SNTG1: variants seen among roughly 807,000 people sequenced by gnomAD.
SNTG1 encodes gamma-1-syntrophin.
Under a neutral mutation model 74.7 loss-of-function variants are expected in SNTG1, and 39 were observed. That is an observed-to-expected ratio of 0.52 (90% CI 0.40 to 0.68). The LOEUF (loss-of-function observed/expected upper bound fraction) is 0.68. Among genes scored for constraint, SNTG1 ranks in the 30% least tolerant of loss-of-function variants. SNTG1 has a pLI of 0.00. For synonymous variants in SNTG1, 254 were observed against 217.1 expected, an observed-to-expected ratio of 1.17 and a Z score of -1.49; for missense variants, 685 against 609.5, an observed-to-expected ratio of 1.12 and a Z score of -1.30.
rs1165454698 is a variant in SNTG1, at chr8:50,543,191, C to T, written c.680+6383C>T. On this transcript the variant is annotated intron_variant, in intron 11 of 18. Coordinates refer to ENST00000642720, the MANE Select transcript of SNTG1 (RefSeq NM_018967.5). ...AGAGCATTTCCCCAGTGTCTTCTTCCAGCAGTTTCATAGTTTCAGGCTTTC... is the reference window on the plus strand; with the variant it reads ...AGAGCATTTCCCCAGTGTCTTCTTCTAGCAGTTTCATAGTTTCAGGCTTTC... Among the ~76,000 whole-genome samples the T allele has an allele frequency of 2.6e-5, 4 of 152,138 alleles. 1 individual carries two copies. The highest frequency in any genetic ancestry group is 5.9e-5 in the Non-Finnish European group (4 of 68,022).
chr8:50,438,361 T>C (rs1263223132), intron 4 of SNTG1, among the ~76,000 whole-genome samples, 182 bp from the exon 5 acceptor site: 2 of 152,202 alleles, frequency 1.3e-5, no homozygotes, highest in African/African-American at 4.8e-5. Flanking sequence ...AGTAACCCTT[T>C]GATTTAAAAG....
intron 2 of SNTG1, among the ~76,000 whole-genome samples, chr8:50,375,205 T>C (rs1400096607): frequency 6.6e-6 from 1 of 152,128 alleles, no homozygotes; most frequent in Admixed American, 6.5e-5. Context: ...ATGTTTGCAT[T>C]ACTGACTTTT....
chr8:50,533,407 C>A (rs2094284557), intron 10 of SNTG1, among the ~76,000 whole-genome samples: 2 of 152,116 alleles, frequency 1.3e-5, no homozygotes, highest in Admixed American at 1.3e-4. Flanking sequence ...GGGAAACAAG[C>A]AAGGAGACAT....
intron 13 of SNTG1, among the ~76,000 whole-genome samples, chr8:50,632,270 T>A (rs965228829): frequency 1.1e-4 from 17 of 151,444 alleles, no homozygotes; most frequent in African/African-American, 3.9e-4. Context: ...TATTTTATTT[T>A]AATAGTCTTT....
chr8:50,404,571 C>A (rs2092847090), intron 4 of SNTG1, among the ~76,000 whole-genome samples: 1 of 151,642 alleles, frequency 6.6e-6, no homozygotes, highest in Non-Finnish European at 1.5e-5. Flanking sequence ...GCATAGCAAT[C>A]AGTGGAACAT....
At position 50,129,199 on chromosome 8, in the gene SNTG1, A is replaced by G. The variant is rs553602057; in HGVS notation, c.-102-43362A>G. 2.0e-4 allele frequency among the ~76,000 whole-genome samples: 31 copies of G among 152,280 alleles called. No individual in the cohort carries two copies. The South Asian group carries it at 6.4e-3, about 32-fold the overall frequency. On this transcript the variant is annotated intron_variant, in intron 1 of 18. Transcript: ENST00000642720. ...CATAAGAATGAATAAATTATATTAA[A>G]GGTCTTTTGTATTATTGTTTATACT... is the stretch of plus-strand genomic sequence containing the variant.
chr8:50,468,302 A>C (rs2093625610), intron 8 of SNTG1, among the ~76,000 whole-genome samples: 1 of 152,064 alleles, frequency 6.6e-6, no homozygotes, highest in Non-Finnish European at 1.5e-5. Context: ...ATATAATAAC[A>C]TGCTGTTGTT....
chr8:50,186,037 T>C (rs1343825465), intron 2 of SNTG1, among the ~76,000 whole-genome samples: 1 of 152,074 alleles, frequency 6.6e-6, no homozygotes, highest in Non-Finnish European at 1.5e-5. Flanking sequence ...GTGTTGTTCC[T>C]CTCCCTGTGT....
chr8:50,263,495 C>T (rs2087301189), intron 2 of SNTG1, among the ~76,000 whole-genome samples: 1 of 151,928 alleles, frequency 6.6e-6, no homozygotes, highest in East Asian at 1.9e-4. Context: ...TTCAAAGACA[C>T]ACGTAAATTG....
chr8:50,686,962 C>G (rs13272067), intron 15 of SNTG1, among the ~76,000 whole-genome samples: 30,703 of 149,916 alleles, frequency 0.2, 3,200 homozygotes, highest in South Asian at 0.3. Flanking sequence ...GGTGAAACCC[C>G]GTCTCTACTA....
intron 9 of SNTG1, among the ~76,000 whole-genome samples, chr8:50,510,228 C>T (rs56094185): frequency 8.5e-5 from 13 of 152,162 alleles, no homozygotes; most frequent in African/African-American, 3.1e-4. Context: ...CATTGATTTG[C>T]ATATGTTGAG....
chr8:50,153,721 AT>A (rs1259518363), intron 1 of SNTG1, among the ~76,000 whole-genome samples: 29 of 152,154 alleles, frequency 1.9e-4, no homozygotes, highest in Non-Finnish European at 3.8e-4. Flanking sequence ...AACAGCGAAT[AT>A]TGCTGAACAG....
chr8:50,614,466 A>G (rs754028948), intron 13 of SNTG1, among the ~76,000 whole-genome samples: 9 of 151,956 alleles, frequency 5.9e-5, no homozygotes, highest in Non-Finnish European at 1.3e-4. Context: ...ATTTTACTTT[A>G]TCTAAAAAAA....
intron 12 of SNTG1, among the ~76,000 whole-genome samples, chr8:50,582,590 T>A (rs534030100): frequency 6.6e-6 from 1 of 152,194 alleles, no homozygotes; most frequent in African/African-American, 2.4e-5. Context: ...TATCATCCTG[T>A]CTGATTTATT....
At chr8:50,406,207 C>T (rs1353489949) in intron 4 of SNTG1, among the ~76,000 whole-genome samples, 1 of 151,956 alleles carries the variant, frequency 6.6e-6, no homozygotes, top group East Asian at 1.9e-4. Context: ...TTTATGGGTA[C>T]TTTGAGTTCT....
At chr8:50,223,500 T>G (rs2085170648) in intron 2 of SNTG1, among the ~76,000 whole-genome samples, 1 of 152,116 alleles carries the variant, frequency 6.6e-6, no homozygotes, top group Non-Finnish European at 1.5e-5. Context: ...AAATAACTAT[T>G]TATCCTTATT....
chr8:49,962,259 C>A (rs1810753908), intron 1 of SNTG1, among the ~76,000 whole-genome samples: 1 of 151,330 alleles, frequency 6.6e-6, no homozygotes, highest in Admixed American at 6.6e-5. Context: ...ATGAGACTAG[C>A]CCTGGGGCAT....
chr8:50,153,894 A>C (rs2082161343), intron 1 of SNTG1, among the ~76,000 whole-genome samples: 1 of 152,152 alleles, frequency 6.6e-6, no homozygotes, highest in African/African-American at 2.4e-5. Context: ...TCAGATATCG[A>C]ACTCCTGCTG....
At chr8:50,630,111 G>A (rs902402859) in intron 13 of SNTG1, among the ~76,000 whole-genome samples, 5 of 152,042 alleles carry the variant, frequency 3.3e-5, no homozygotes, top group Non-Finnish European at 7.4e-5. Context: ...AAGGTAAGTA[G>A]GAATTTATGG....
Sources: allele counts gnomAD v4.1 joint callset (sites outside exome capture counted in the v4.1 genomes callset), GRCh38; gene constraint gnomAD v4.1.1; transcripts MANE v1.5; gene names NCBI Gene and HGNC (gene_info 2026-07-23, HGNC 2026-07-21).